DNAH2: variants seen among roughly 807,000 people sequenced by gnomAD.
DNAH2 encodes dynein axonemal heavy chain 2, also known as axonemal beta dynein heavy chain 2.
In DNAH2, 323 loss-of-function variants were observed where a neutral mutation model predicts 523.5. The observed-to-expected ratio is 0.62, with a 90% confidence interval of 0.56 to 0.68. The LOEUF (loss-of-function observed/expected upper bound fraction) is 0.68. DNAH2 is among the 30% of genes least tolerant of loss of function. The pLI is 0.00. For synonymous variants in DNAH2, 2,093 were observed against 2,177.4 expected, an observed-to-expected ratio of 0.96 and a Z score of 1.08; for missense variants, 4,907 against 5,701.5, an observed-to-expected ratio of 0.86 and a Z score of 4.49.
At chr17:7,758,818 G>A (rs1317720216) in intron 14 of DNAH2, 67 bp from the exon 15 acceptor site, 2 of 1,592,890 alleles carry the variant, frequency 1.3e-6, no homozygotes, top group South Asian at 1.1e-5. Flanking sequence ...ACAAGTGGGA[G>A]GGTAGAATGA....
chr17:7,816,523 C>A, intron 63 of DNAH2, 48 bp from the exon 64 acceptor site: 1 of 1,604,460 alleles, frequency 6.2e-7, no homozygotes, highest in South Asian at 1.1e-5. Context: ...CAAGAACAAT[C>A]TGGCTGCGAG....
chr17:7,805,777 C>T (rs2077351480), intron 61 of DNAH2, among the ~76,000 whole-genome samples: 1 of 152,064 alleles, frequency 6.6e-6, no homozygotes, highest in African/African-American at 2.4e-5. Flanking sequence ...TCGTTTAAAC[C>T]TGGAAGGCTG....
intron 44 of DNAH2, among the ~76,000 whole-genome samples, chr17:7,788,998 C>G (rs1475665051): frequency 6.6e-6 from 1 of 152,104 alleles, no homozygotes; most frequent in East Asian, 1.9e-4. Context: ...AACCCTGTCT[C>G]TACTAAAAAT....
At chr17:7,757,327 A>G (rs2075872306) in intron 13 of DNAH2, 90 bp downstream of exon 13, 1 of 1,480,316 alleles carries the variant, frequency 6.8e-7, no homozygotes, top group Admixed American at 2.2e-5. Context: ...TTCATTTTCT[A>G]CAATTTCTGT....
chr17:7,798,706 T>C lies in DNAH2; in HGVS notation c.8547T>C (p.Asp2849=). ...AGGTGCCCAATCTCTACAAGCCTGA[T>C]GAATTTGAAGAGGTAGGATTCCTTC... is the stretch of plus-strand genomic sequence containing the variant. The part of the protein sequence containing the change: ...SGEVPNLYKP[D]EFEEIQSHII... Residue 2849 remains aspartate (D), a synonymous_variant, in exon 55 of 86, where the codon GAT becomes GAC. Coordinates refer to ENST00000572933, the MANE Select transcript of DNAH2 (RefSeq NM_020877.5). The surrounding 1 kb of genome is among the most constrained non-coding windows in gnomAD (Gnocchi z 5.5). 1 of 1,613,384 alleles carries C rather than the reference T, an allele frequency of 6.2e-7. No homozygotes were observed. Among genetic ancestry groups the C allele is most frequent in the East Asian group, 2.2e-5 (1 of 44,878 alleles).
In DNAH2 at chr17:7,830,411, C is replaced by T; in HGVS notation, c.11965C>T (p.His3989Tyr). The stretch of plus-strand genomic sequence containing the variant: ...GCTGCTGTTTTCACTCTGTTTCTTC[C>T]ACTCTGTGTTACTTGAACGCAAAAA... ...KKLLFSLCFF[H>Y]SVLLERKKFL... The change falls in exon 78 of 86, where the codon CAC becomes TAC. Residue 3989 changes from histidine (H) to tyrosine (Y), a missense_variant. His to Tyr is a moderately conservative substitution (Grantham distance 83, BLOSUM62 2). This residue lies in a region of DNAH2 where 1,851 missense variants were observed against 2,139.4 expected (regional missense o/e 0.87). Transcript: ENST00000572933. 1 of 1,614,246 alleles carries T rather than the reference C, an allele frequency of 6.2e-7. No individual in the cohort carries two copies. Among genetic ancestry groups the T allele is most frequent in the Non-Finnish European group, 8.5e-7 (1 of 1,180,042 alleles).
chr17:7,772,189 G>A (rs1253069651), intron 28 of DNAH2, among the ~76,000 whole-genome samples: 1 of 152,024 alleles, frequency 6.6e-6, no homozygotes, highest in Non-Finnish European at 1.5e-5. Context: ...ACCTAGAATG[G>A]GCATCCTGTG....
chr17:7,720,587 G>C (rs2074572267), intron 2 of DNAH2, among the ~76,000 whole-genome samples: 1 of 152,192 alleles, frequency 6.6e-6, no homozygotes, highest in African/African-American at 2.4e-5. Context: ...ATCTCCCTGA[G>C]AGCACTGGTC....
intron 56 of DNAH2, 66 bp downstream of exon 56, chr17:7,799,308 G>A: frequency 6.3e-7 from 1 of 1,582,540 alleles, no homozygotes; most frequent in Middle Eastern, 1.7e-4. Context: ...GTGGCCTCCT[G>A]TGCCTTCTGG....
At chr17:7,818,228 C>T (rs1178673938) in intron 68 of DNAH2, 84 bp from the exon 69 acceptor site, 21 of 1,596,098 alleles carry the variant, frequency 1.3e-5, no homozygotes, top group East Asian at 4.5e-5. Flanking sequence ...CAGGCTGAGT[C>T]GCTGCCCCTG....
chr17:7,793,010 T>C lies in DNAH2; in HGVS notation c.7374T>C (p.Ile2458=), dbSNP rs756160396. The C allele has an allele frequency of 1.2e-6, 2 of 1,613,450 alleles. No individual in the cohort carries two copies. The highest frequency in any genetic ancestry group is 1.7e-6 in the Non-Finnish European group (2 of 1,179,516). The change falls in exon 48 of 86, where the codon ATT becomes ATC. Residue 2458 remains isoleucine, a synonymous_variant. Transcript: ENST00000572933. ...CATCCAATAACGTGCAGAGCATCATTGAGAGCAGGGTTGAGAAGCGAACCA... is the reference window on the plus strand; with the variant it reads ...CATCCAATAACGTGCAGAGCATCATCGAGAGCAGGGTTGAGAAGCGAACCA... ...QTTSNNVQSI[I]ESRVEKRTKG...
Position 7,818,729 on chromosome 17 carries a change from C to A in DNAH2, c.10623C>A (p.Ile3541=), listed in dbSNP as rs150927708. Residue 3541 remains isoleucine (I), a synonymous_variant, in exon 70 of 86, where the codon ATC becomes ATA. Coordinates refer to ENST00000572933, the MANE Select transcript of DNAH2 (RefSeq NM_020877.5). ...AGAAGGACTCACTGGTCATCAACAT[C>A]GCGGCTGGTAAAAGGAAGCTCAAGG... ...EEQKDSLVIN[I]AAGKRKLKEL... 4.7e-4 allele frequency: 761 copies of A among 1,614,086 alleles called. 5 individuals carry two copies. The East Asian group carries it at 0.016, about 33-fold the overall frequency.
rs145112647 is a variant in DNAH2, at chr17:7,804,331, A to T, written c.9048A>T (p.Glu3016Asp). The T allele has an allele frequency of 3.9e-4, 622 of 1,614,188 alleles. 1 individual carries two copies. The highest frequency in any genetic ancestry group is 5.0e-4 in the Non-Finnish European group (592 of 1,180,040). ...GGACAGGCTTGTTCAAGATCGACGAAACTAGGGAAAAGGTGCAAGTGATGT... is the reference window on the plus strand; with the variant it reads ...GGACAGGCTTGTTCAAGATCGACGATACTAGGGAAAAGGTGCAAGTGATGT... Reference protein sequence around the residue: ...KLRTGLFKIDETREKVQVMSL... With the variant: ...KLRTGLFKIDDTREKVQVMSL... The change falls in exon 59 of 86, where the codon GAA becomes GAT. Residue 3016 changes from glutamate to aspartate, a missense_variant. By Grantham distance (45) the Glu-to-Asp change is conservative. Coordinates refer to ENST00000572933, the MANE Select transcript of DNAH2 (RefSeq NM_020877.5).
In DNAH2 at chr17:7,798,010, G is replaced by T. The variant is rs2077114009; in HGVS notation, c.8231-147G>T. 7.4e-7 allele frequency: 1 copy of T among 1,351,488 alleles called. No individual in the cohort carries two copies. The highest frequency in any genetic ancestry group is 1.0e-6 in the Non-Finnish European group (1 of 998,150). 83.7% of individuals were successfully genotyped at this position (1,351,488 alleles called of 1,614,324 possible). A position where few individuals can be genotyped will look rare whatever the true frequency, so the allele number is the denominator to read the frequency against. On this transcript the variant is annotated intron_variant, in intron 53 of 85. Coordinates refer to ENST00000572933, the MANE Select transcript of DNAH2 (RefSeq NM_020877.5). This position sits in a 1 kb window ranked among gnomAD's most constrained non-coding sequence, Gnocchi z 5.5. ...GAAGGTGGAGGTTAAAAGTTGAATT[G>T]CCTCCTGGGCCTTGGGCACCAACTT...
At chr17:7,735,191 T>C (rs984174895) in intron 7 of DNAH2, among the ~76,000 whole-genome samples, 30 of 151,846 alleles carry the variant, frequency 2.0e-4, no homozygotes, top group African/African-American at 7.3e-4. Context: ...AGTGCAGTGG[T>C]GCGATCTCAG....
At chr17:7,830,238 G>A in intron 77 of DNAH2, 62 bp from the exon 78 acceptor site, 1 of 1,552,406 alleles carries the variant, frequency 6.4e-7, no homozygotes, top group Non-Finnish European at 8.8e-7. Context: ...GTACATGGCA[G>A]TGCTAGTGGC....
chr17:7,773,590 T>C (rs2076373823), intron 28 of DNAH2, among the ~76,000 whole-genome samples: 1 of 152,160 alleles, frequency 6.6e-6, no homozygotes, highest in African/African-American at 2.4e-5. Context: ...TCCCATAAAT[T>C]CAATGCTCTT....
rs567436435 is a variant in DNAH2, at chr17:7,798,430, C to T, written c.8398+106C>T. 4.5e-5 allele frequency: 69 copies of T among 1,528,596 alleles called. No individual in the cohort carries two copies. The highest frequency in any genetic ancestry group is 2.6e-4 in the Admixed American group (14 of 52,942). The allele number at this position is 1,528,596 out of a possible 1,614,324, so 94.7% of individuals were successfully genotyped here. A position where few individuals can be genotyped will look rare whatever the true frequency, so the allele number is the denominator to read the frequency against. ...GCCAGATGGGCAGACGTGTCTGGCC[C>T]GTGTTGGGTGTAGGATGGTGTCGCG... On this transcript the variant is annotated intron_variant, in intron 54 of 85. Coordinates refer to ENST00000572933, the MANE Select transcript of DNAH2 (RefSeq NM_020877.5). This position sits in a 1 kb window ranked among gnomAD's most constrained non-coding sequence, Gnocchi z 5.5.
rs143122697 is a variant in DNAH2 at position 7,824,387 on chromosome 17, C to T, written c.11662+83C>T. 623 of 1,467,120 alleles carry T rather than the reference C, an allele frequency of 4.2e-4. 4 individuals carry two copies. The African/African-American group carries it at 8.3e-3, about 20-fold the overall frequency. The allele number at this position is 1,467,120 out of a possible 1,614,324, so 90.9% of individuals were successfully genotyped here. Reference sequence around the variant, plus strand: ...CTCCAACCTCAATTACACTACTGTCCCTGTACCTCCCACTTCTACAGAGGG... The same window carrying T: ...CTCCAACCTCAATTACACTACTGTCTCTGTACCTCCCACTTCTACAGAGGG... On this transcript the variant is annotated intron_variant, in intron 76 of 85. Coordinates refer to ENST00000572933, the MANE Select transcript of DNAH2 (RefSeq NM_020877.5).
Sources: gnomAD v4.1 joint callset for allele counts (sites outside exome capture counted in the v4.1 genomes callset) on GRCh38, gnomAD v4.1.1 for gene constraint, gnomAD v4.1.1 regional missense constraint, Gnocchi (gnomAD v3.1) non-coding constraint, MANE v1.5 for transcripts, NCBI Gene and HGNC (gene_info 2026-07-23, HGNC 2026-07-21) for gene names.